LPP: variants seen among roughly 807,000 people sequenced by gnomAD.
LPP encodes the protein lipoma-preferred partner.
A neutral mutation model predicts 60.4 loss-of-function variants in LPP; 38 were observed. The ratio of observed to expected loss-of-function variants is 0.63; its 90% CI spans 0.49 to 0.83. The LOEUF (loss-of-function observed/expected upper bound fraction) is 0.83. Ranked by LOEUF, LPP falls within the 40% of genes least tolerant of loss-of-function variation. LPP has a pLI of 0.00. For missense variants in LPP, 902 were observed against 783.6 expected (o/e 1.15, Z -1.80); for synonymous variants, 328 against 290.8 (o/e 1.13, Z -1.30).
Position 188,888,880 on chromosome 3 carries a change from T to C in LPP, c.*14401T>C, listed in dbSNP as rs1255220339. The C allele has an allele frequency of 9.1e-6, 2 of 220,208 alleles. No individual in the cohort carries two copies. Among genetic ancestry groups the C allele is most frequent in the Admixed American group, 5.8e-5 (1 of 17,350 alleles). 13.6% of individuals were successfully genotyped at this position (220,208 alleles called of 1,614,324 possible). ...TTTATATTTATATCCTACTGGATGGTAGCATATTGCTAAGGTTTCCTGTAC... is the reference window on the plus strand; with the variant it reads ...TTTATATTTATATCCTACTGGATGGCAGCATATTGCTAAGGTTTCCTGTAC... On this transcript the variant is annotated 3_prime_UTR_variant, in exon 12 of 12. Transcript: ENST00000617246.
chr3:188,521,012 G>A (rs991739806), intron 5 of LPP, among the ~76,000 whole-genome samples: 2 of 152,054 alleles, frequency 1.3e-5, no homozygotes, highest in African/African-American at 2.4e-5. Context: ...CCCCTAAATC[G>A]AAAGGTAAAT....
At chr3:188,457,619 G>A (rs974456360) in intron 4 of LPP, among the ~76,000 whole-genome samples, 1 of 151,788 alleles carries the variant, frequency 6.6e-6, no homozygotes, top group Admixed American at 6.6e-5. Context: ...AAGGCCAGGT[G>A]CGGTGGCTCA....
chr3:188,887,241 T>C lies in LPP; in HGVS notation c.*12762T>C, dbSNP rs1770788468. The C allele has an allele frequency of 4.5e-6, 1 of 221,062 alleles. No homozygotes were observed. The highest frequency in any genetic ancestry group is 9.1e-6 in the Non-Finnish European group (1 of 110,476). 13.7% of individuals were successfully genotyped at this position (221,062 alleles called of 1,614,324 possible). A position where few individuals can be genotyped will look rare whatever the true frequency, so the allele number is the denominator to read the frequency against. On this transcript the variant is annotated 3_prime_UTR_variant, in exon 12 of 12. Transcript: ENST00000617246. ...AATGCAAAATGGGAAGAGCTAGCTT[T>C]TCTTAGATACATTTCTTCCTTTTTT...
intron 9 of LPP, among the ~76,000 whole-genome samples, chr3:188,823,863 TCCTC>T (rs1487974381): frequency 6.6e-6 from 1 of 152,142 alleles, no homozygotes; most frequent in East Asian, 1.9e-4. Flanking sequence ...ACTTTTATAT[TCCTC>T]CCTATGTTTA....
intron 5 of LPP, among the ~76,000 whole-genome samples, chr3:188,514,078 G>A (rs1158122175): frequency 6.6e-6 from 1 of 152,182 alleles, no homozygotes. Context: ...GGCTGCTTCA[G>A]TAGGGCTGAT....
At chr3:188,741,352 C>T (rs568526679) in intron 8 of LPP, among the ~76,000 whole-genome samples, 1 of 152,120 alleles carries the variant, frequency 6.6e-6, no homozygotes, top group African/African-American at 2.4e-5. Flanking sequence ...AGCAAATCTT[C>T]ATATCAGGTG....
intron 7 of LPP, among the ~76,000 whole-genome samples, chr3:188,681,174 T>A (rs1474513389): frequency 6.6e-6 from 1 of 152,030 alleles, no homozygotes; most frequent in East Asian, 1.9e-4. Flanking sequence ...TTTTGTATTT[T>A]TAGTAGGGAT....
rs545936206 is a variant in LPP, at chr3:188,376,330, G to A, written c.-9-29782G>A. ...TGTTAAAGTCTCCCATTATTATTGT[G>A]TGGGAGTCTAAGTCTCTTTGTAGGT... is the stretch of plus-strand genomic sequence containing the variant. On this transcript the variant is annotated intron_variant, in intron 3 of 11. Coordinates refer to ENST00000617246, the MANE Select transcript of LPP (RefSeq NM_001375462.1). 9.0e-3 allele frequency among the ~76,000 whole-genome samples: 1,374 copies of A among 151,968 alleles called. 21 individuals are homozygous for A. Among genetic ancestry groups the A allele is most frequent in the African/African-American group, 0.031 (1,293 of 41,426 alleles).
intron 4 of LPP, among the ~76,000 whole-genome samples, chr3:188,467,506 G>A (rs553229127): frequency 6.6e-4 from 100 of 152,100 alleles, no homozygotes; most frequent in African/African-American, 2.3e-3. Flanking sequence ...AGTTGTCCAC[G>A]TCTTAATCTC....
chr3:188,658,169 A>G (rs1398424652), intron 7 of LPP, among the ~76,000 whole-genome samples: 1 of 2,598 alleles, frequency 3.8e-4, no homozygotes, highest in Non-Finnish European at 1.6e-3. Flanking sequence ...TTAACGACAG[A>G]GTCTTGCTCT....
chr3:188,672,638 C>A (rs1200909055), intron 7 of LPP, among the ~76,000 whole-genome samples: 1 of 152,150 alleles, frequency 6.6e-6, no homozygotes, highest in Non-Finnish European at 1.5e-5. Flanking sequence ...CAGAGGCTGC[C>A]CTGCAGGCAG....
chr3:188,232,459 C>T (rs1720368469), intron 2 of LPP, among the ~76,000 whole-genome samples: 1 of 151,616 alleles, frequency 6.6e-6, no homozygotes, highest in Admixed American at 6.6e-5. Context: ...CTGCCTTAGC[C>T]TCCCAAGTGG....
At chr3:188,865,827 TTTGC>T (rs1359513483) in intron 9 of LPP, among the ~76,000 whole-genome samples, 3 of 152,076 alleles carry the variant, frequency 2.0e-5, no homozygotes, top group African/African-American at 4.8e-5. Flanking sequence ...TAGAGAAAAG[TTTGC>T]CATCACCCAT....
At chr3:188,367,131 C>T (rs540467284) in intron 3 of LPP, among the ~76,000 whole-genome samples, 1 of 152,188 alleles carries the variant, frequency 6.6e-6, no homozygotes, top group East Asian at 1.9e-4. Context: ...CTCCTGACCT[C>T]ATGATCCACC....
chr3:188,881,071 C>T lies in LPP; in HGVS notation c.*6592C>T, dbSNP rs545077318. ...AGGAGAATGGCGTGAACCCGGGAAG[C>T]GGAGCTTTCAGTGAGCCGAGATAGC... is the stretch of plus-strand genomic sequence containing the variant. On this transcript the variant is annotated 3_prime_UTR_variant, in exon 12 of 12. Coordinates refer to ENST00000617246, the MANE Select transcript of LPP (RefSeq NM_001375462.1). 2 of 150,032 alleles carry T rather than the reference C, an allele frequency of 1.3e-5. No individual in the cohort carries two copies. The highest frequency in any genetic ancestry group is 4.4e-4 in the South Asian group (2 of 4,554). The allele number at this position is 150,032 out of a possible 1,614,324, so 9.3% of individuals were successfully genotyped here.
intron 8 of LPP, among the ~76,000 whole-genome samples, chr3:188,715,738 A>T (rs906571838): frequency 7.2e-5 from 11 of 152,194 alleles, no homozygotes. Context: ...TTATGCTTTC[A>T]TTCATTTTGT....
chr3:188,612,913 AGAAAAAATGAAAAG>A (rs1844017907), intron 7 of LPP, among the ~76,000 whole-genome samples: 1 of 152,164 alleles, frequency 6.6e-6, no homozygotes, highest in African/African-American at 2.4e-5. Flanking sequence ...GAGAAAGGAA[AGAAAAAATGAAAAG>A]GAAAAAATGA....
At position 188,167,587 on chromosome 3, in the gene LPP, G is replaced by GTT. The variant is rs1215707012; in HGVS notation, c.-190+13336_-190+13337dup. On this transcript the variant is annotated intron_variant, in intron 1 of 11. Coordinates refer to ENST00000617246, the MANE Select transcript of LPP (RefSeq NM_001375462.1). ...TGAAAAATGTTATCTTTGTGTGTGT[G>GTT]TTGTTTTTTTTTTTTTTTAGGATTC... is the stretch of plus-strand genomic sequence containing the variant. Among the ~76,000 whole-genome samples, 150 of 94,010 alleles carry GTT rather than the reference G, an allele frequency of 1.6e-3. 1 individual carries two copies. The highest frequency in any genetic ancestry group is 2.9e-3 in the African/African-American group (76 of 25,872). 61.7% of individuals were successfully genotyped at this position (94,010 alleles called of 152,430 possible).
intron 9 of LPP, among the ~76,000 whole-genome samples, chr3:188,835,755 A>G (rs1758299121): frequency 6.6e-6 from 1 of 152,250 alleles, no homozygotes; most frequent in Non-Finnish European, 1.5e-5. Context: ...CCTTGATATC[A>G]ATGGAATTAT....
Sources: allele counts gnomAD v4.1 joint callset (sites outside exome capture counted in the v4.1 genomes callset), GRCh38; gene constraint gnomAD v4.1.1; transcripts MANE v1.5; gene names NCBI Gene and HGNC (gene_info 2026-07-23, HGNC 2026-07-21).